The following CDC45 variants were observed in gnomAD, a reference collection of about 807,000 sequenced individuals.
CDC45 encodes cell division cycle 45, also known as cell division control protein 45 homolog.
Under a neutral mutation model 77.8 loss-of-function variants are expected in CDC45, and 54 were observed. That is an observed-to-expected ratio of 0.69 (90% CI 0.56 to 0.87). The LOEUF is 0.87. Ranked by LOEUF, CDC45 falls within the 40% of genes least tolerant of loss-of-function variation. CDC45 has a pLI of 0.00. For synonymous variants in CDC45, 260 were observed against 272.1 expected (o/e 0.96, Z 0.44); for missense variants, 649 against 721.6 (o/e 0.90, Z 1.15).
intron 5 of CDC45, 149 bp downstream of exon 5, chr22:19,484,154 TC>T: frequency 1.4e-6 from 1 of 699,632 alleles, no homozygotes; most frequent in Non-Finnish European, 2.3e-6. Flanking sequence ...GGCTCTGCTG[TC>T]CCCTGGTTAT....
intron 5 of CDC45, among the ~76,000 whole-genome samples, chr22:19,493,097 G>A (rs1230230914): frequency 1.3e-5 from 2 of 152,022 alleles, no homozygotes. Flanking sequence ...CTCCCACTGG[G>A]CCTTTGCTGG....
At chr22:19,485,935 C>T (rs1161967362) in intron 5 of CDC45, among the ~76,000 whole-genome samples, 1 of 152,214 alleles carries the variant, frequency 6.6e-6, no homozygotes, top group Non-Finnish European at 1.5e-5. Flanking sequence ...CAGTTTTTCA[C>T]ATTTGCCACA....
Position 19,514,863 on chromosome 22 carries a change from T to C in CDC45, c.1332T>C (p.Pro444=), listed in dbSNP as rs375202612. ...LCTNLVISQG[P]FLYCSLMEGT... ...CCAACCTCGTCATCTCCCAGGGGCC[T>C]TTCCTGTACTGCTCTCTCATGGAGG... The change falls in exon 14 of 19, where the codon CCT becomes CCC. Residue 444 remains proline, a synonymous_variant. Transcript: ENST00000263201. 2.5e-6 allele frequency: 4 copies of C among 1,614,084 alleles called. No individual in the cohort carries two copies. In the African/African-American group the frequency reaches 4.0e-5, roughly 16 times the overall value.
intron 5 of CDC45, among the ~76,000 whole-genome samples, chr22:19,485,237 G>C (rs771441374): frequency 4.6e-5 from 7 of 152,268 alleles, no homozygotes; most frequent in Non-Finnish European, 8.8e-5. Context: ...GATAAGTCTT[G>C]GAATTTTCCA....
chr22:19,480,198 G>T lies in CDC45; in HGVS notation c.92G>T (p.Cys31Phe), dbSNP rs1284417396. ...LFVASDVDAL[C>F]ACKILQALFQ... ...GTGGCCTCGGACGTGGATGCTCTGT[G>T]TGCGTGCAAGATCCTTCAGGTGAGT... is the stretch of plus-strand genomic sequence containing the variant. The change falls in exon 2 of 19, where the codon TGT (cysteine) becomes TTT (phenylalanine). Residue 31 changes from cysteine to phenylalanine, a missense_variant. By Grantham distance (205) the Cys-to-Phe change is radical. Transcript: ENST00000263201. The T allele has an allele frequency of 6.2e-7, 1 of 1,614,004 alleles. No homozygotes were observed. The highest frequency in any genetic ancestry group is 8.5e-7 in the Non-Finnish European group (1 of 1,179,956).
rs773935991 is a variant in CDC45, at chr22:19,518,904, C to T, written c.1697C>T (p.Ser566Phe). 6.2e-7 allele frequency: 1 copy of T among 1,613,538 alleles called. No homozygotes were observed. Among genetic ancestry groups the T allele is most frequent in the Non-Finnish European group, 8.5e-7 (1 of 1,179,512 alleles). ...KFLDALISLL[S>F] ...CTGGACGCACTTATTTCCCTCCTGT[C>T]CTAGGGTGAGTTACAGGGGTTCTGC... The change falls in exon 18 of 19, where the codon TCC becomes TTC. Residue 566 changes from serine to phenylalanine, a missense_variant. Physicochemically the swap from Ser to Phe is radical, Grantham distance 155. Transcript: ENST00000263201.
Position 19,518,846 on chromosome 22 carries a change from A to G in CDC45, c.1639A>G (p.Ile547Val). Residue 547 changes from isoleucine to valine, a missense_variant and splice_region_variant, in exon 18 of 19, where the codon ATT (isoleucine) becomes GTT (valine). By Grantham distance (29) the Ile-to-Val change is conservative. Transcript: ENST00000263201. ...CTGTTTTTCTTTCATTACTTCAGTA[A>G]TTGAGCTGAAAGCTGAGGATCGGAG... ...MLHNHFDLSVIELKAEDRSKF... is the reference protein window; with the variant it reads ...MLHNHFDLSVVELKAEDRSKF... The G allele has an allele frequency of 1.2e-6, 2 of 1,613,920 alleles. No individual in the cohort carries two copies. The highest frequency in any genetic ancestry group is 1.7e-6 in the Non-Finnish European group (2 of 1,179,846).
intron 5 of CDC45, among the ~76,000 whole-genome samples, chr22:19,486,284 T>C (rs1254185173): frequency 6.6e-6 from 1 of 152,240 alleles, no homozygotes; most frequent in Non-Finnish European, 1.5e-5. Flanking sequence ...CATAAGAAAT[T>C]AATAATATCC....
Position 19,508,556 on chromosome 22 carries a change from T to C in CDC45, c.1082T>C (p.Phe361Ser). The C allele has an allele frequency of 6.2e-7, 1 of 1,614,248 alleles. No individual in the cohort carries two copies. The highest frequency in any genetic ancestry group is 8.5e-7 in the Non-Finnish European group (1 of 1,180,040). The change falls in exon 13 of 19, where the codon TTC (phenylalanine) becomes TCC (serine). Residue 361 changes from phenylalanine to serine, a missense_variant. Transcript: ENST00000263201. Reference sequence around the variant, plus strand: ...ATGAAGGACATGCGCGTGCAGACTTTCAGCATTCATTTTGGGTTCAAGCAC... The same window carrying C: ...ATGAAGGACATGCGCGTGCAGACTTCCAGCATTCATTTTGGGTTCAAGCAC... ...FGMKDMRVQT[F>S]SIHFGFKHKF... is the part of the protein sequence containing the mutation.
At chr22:19,481,779 C>T (rs1568910381) in intron 3 of CDC45, among the ~76,000 whole-genome samples, 1 of 152,106 alleles carries the variant, frequency 6.6e-6, no homozygotes, top group African/African-American at 2.4e-5. Flanking sequence ...TCAAGCGATT[C>T]TCCTGCCTCA....
intron 9 of CDC45, among the ~76,000 whole-genome samples, chr22:19,500,064 C>T (rs1430222193): frequency 6.6e-6 from 1 of 152,256 alleles, no homozygotes; most frequent in Non-Finnish European, 1.5e-5. Context: ...TGGCACAGCC[C>T]ACTGCCCTGT....
In CDC45 at chr22:19,516,851, A is replaced by C. The variant is rs1568938303; in HGVS notation, c.1594A>C (p.Ser532Arg). Residue 532 changes from serine (S) to arginine (R), a missense_variant, in exon 17 of 19, where the codon AGC becomes CGC. Coordinates refer to ENST00000263201, the MANE Select transcript of CDC45 (RefSeq NM_003504.5). ...GAGGGCGTTTGAGAAGGCAGCGGAA[A>C]GCACCAGCTCCCGGATGCTGCACAA... ...FGRAFEKAAE[S>R]TSSRMLHNHF... 3 of 1,614,024 alleles carry C rather than the reference A, an allele frequency of 1.9e-6. No individual in the cohort carries two copies. The highest frequency in any genetic ancestry group is 2.5e-6 in the Non-Finnish European group (3 of 1,180,008).
At position 19,508,649 on chromosome 22, in the gene CDC45, C is replaced by T. The variant is rs1933344921; in HGVS notation, c.1175C>T (p.Ser392Leu). 2.5e-6 allele frequency: 4 copies of T among 1,614,078 alleles called. No homozygotes were observed. In the African/African-American group the frequency reaches 4.0e-5, roughly 16 times the overall value. The change falls in exon 13 of 19, where the codon TCA (serine) becomes TTA (leucine). Residue 392 changes from serine to leucine, a missense_variant. By Grantham distance (145) the Ser-to-Leu change is moderately radical. Coordinates refer to ENST00000263201, the MANE Select transcript of CDC45 (RefSeq NM_003504.5). ...SLMESPEKDG[S>L]GTDHFIQALD... ...ATGGAGAGCCCCGAGAAGGATGGCT[C>T]AGGGACAGATCACTTCATCCAGGCT...
At chr22:19,486,675 T>C (rs1416965583) in intron 5 of CDC45, among the ~76,000 whole-genome samples, 1 of 152,144 alleles carries the variant, frequency 6.6e-6, no homozygotes, top group African/African-American at 2.4e-5. Context: ...AGTATGTGTA[T>C]ATTAGAGGTA....
chr22:19,506,114 A>T (rs992126124), intron 10 of CDC45, among the ~76,000 whole-genome samples: 2 of 152,170 alleles, frequency 1.3e-5, no homozygotes, highest in African/African-American at 4.8e-5. Context: ...AGGCCACACA[A>T]TAGTGGCTTG....
chr22:19,493,223 G>T (rs550313573), intron 5 of CDC45, among the ~76,000 whole-genome samples: 7 of 72,952 alleles, frequency 9.6e-5, no homozygotes, highest in Non-Finnish European at 2.2e-4. Context: ...AGCAGCTTTT[G>T]TGGGTTTTTT....
chr22:19,505,157 A>T (rs1933091950), intron 9 of CDC45: 1 of 592,988 alleles, frequency 1.7e-6, no homozygotes. Flanking sequence ...AAGGCTAGAG[A>T]CCACACCCCC....
intron 4 of CDC45, among the ~76,000 whole-genome samples, chr22:19,483,563 T>A (rs917763892): frequency 6.6e-6 from 1 of 152,220 alleles, no homozygotes; most frequent in Non-Finnish European, 1.5e-5. Context: ...ATTTTATTGG[T>A]GTATGACGTA....
intron 5 of CDC45, among the ~76,000 whole-genome samples, chr22:19,486,587 C>T (rs915996323): frequency 3.9e-5 from 6 of 152,142 alleles, no homozygotes; most frequent in Non-Finnish European, 8.8e-5. Flanking sequence ...AGGTCTAGAG[C>T]GTTGATTTTA....
Sources: allele counts gnomAD v4.1 joint callset (sites outside exome capture counted in the v4.1 genomes callset), GRCh38; gene constraint gnomAD v4.1.1; transcripts MANE v1.5; gene names NCBI Gene and HGNC (gene_info 2026-07-23, HGNC 2026-07-21).